The following ADGRV1 variants were observed in gnomAD, a reference collection of about 807,000 sequenced individuals.
ADGRV1 encodes G-protein coupled receptor 98.
ADGRV1 carries 359 observed loss-of-function variants against 596.2 expected under a neutral mutation model. The ratio of observed to expected loss-of-function variants is 0.60; its 90% CI spans 0.55 to 0.66. The LOEUF is 0.66. Ranked by LOEUF, ADGRV1 falls within the 30% of genes least tolerant of loss-of-function variation. The pLI is 0.00. For missense variants in ADGRV1, 7,274 were observed against 7,575.6 expected (o/e 0.96, Z 1.48); for synonymous variants, 2,681 against 2,679.2 (o/e 1.00, Z -0.02).
In ADGRV1 at chr5:90,790,956, G is replaced by C. The variant is rs752168075; in HGVS notation, c.14127G>C (p.Glu4709Asp). The stretch of plus-strand genomic sequence containing the variant: ...GATTTTTCACCATTGCTGATGGAGA[G>C]AGTGAAGCTAGCTTTGATGTTCATT... ...TSGFFTIADGESEASFDVHLL... is the reference protein window; with the variant it reads ...TSGFFTIADGDSEASFDVHLL... Residue 4709 changes from glutamate (E) to aspartate (D), a missense_variant, in exon 70 of 90, where the codon GAG becomes GAC. Physicochemically the swap from Glu to Asp is conservative, Grantham distance 45 (BLOSUM62 2). Around this residue, in one of 5 missense-constraint regions of ADGRV1, gnomAD observed 1,874 missense variants for 1,970.2 expected, o/e 0.95. Coordinates refer to ENST00000405460, the MANE Select transcript of ADGRV1 (RefSeq NM_032119.4). 4.3e-6 allele frequency: 7 copies of C among 1,612,934 alleles called. No homozygotes were observed. The Admixed American group carries it at 1.2e-4, about 27-fold the overall frequency.
chr5:90,875,508 G>A (rs2150517987), intron 83 of ADGRV1, among the ~76,000 whole-genome samples: 1 of 152,292 alleles, frequency 6.6e-6, no homozygotes, highest in South Asian at 2.1e-4. Context: ...CACAGCCTCT[G>A]TTATATGGCT....
At chr5:90,603,393 G>C (rs913701430) in intron 1 of ADGRV1, among the ~76,000 whole-genome samples, 1 of 152,208 alleles carries the variant, frequency 6.6e-6, no homozygotes, top group South Asian at 2.1e-4. Context: ...GCTTGTGGAT[G>C]TATGGGTGGT....
chr5:90,961,487 C>CAAAA (rs34654014), intron 83 of ADGRV1, among the ~76,000 whole-genome samples: 2 of 46,518 alleles, frequency 4.3e-5, no homozygotes, highest in Non-Finnish European at 8.3e-5. Context: ...GACTCCGTCT[C>CAAAA]AAAAAAAAAA....
At chr5:91,034,964 G>A (rs1784748601) in intron 85 of ADGRV1, among the ~76,000 whole-genome samples, 1 of 152,066 alleles carries the variant, frequency 6.6e-6, no homozygotes, top group African/African-American at 2.4e-5. Flanking sequence ...TAGAGACAGG[G>A]TCTTACTCTT....
rs192571483 is a variant in ADGRV1, at chr5:91,150,146, G to T, written c.18549G>T (p.Thr6183=). The T allele has an allele frequency of 3.1e-6, 5 of 1,593,862 alleles. No individual in the cohort carries two copies. The South Asian group carries it at 5.8e-5, about 18-fold the overall frequency. The stretch of plus-strand genomic sequence containing the variant: ...CTGGACCCAGCACAGCCTTTTTCAC[G>T]CCCGGGAGTGGAATGCCTCCTGCTG... ...GHPGPSTAFF[T]PGSGMPPAGG... The change falls in exon 88 of 90, where the codon ACG becomes ACT. Residue 6183 remains threonine (T), a synonymous_variant. Transcript: ENST00000405460.
intron 77 of ADGRV1, among the ~76,000 whole-genome samples, chr5:90,836,437 C>T (rs1181560836): frequency 6.6e-6 from 1 of 151,818 alleles, no homozygotes; most frequent in East Asian, 1.9e-4. Flanking sequence ...ACCTAATCTC[C>T]ATATAATCAT....
intron 1 of ADGRV1, among the ~76,000 whole-genome samples, chr5:90,605,728 T>A (rs1178856497): frequency 6.6e-5 from 10 of 152,116 alleles, no homozygotes; most frequent in African/African-American, 1.9e-4. Flanking sequence ...GTGAGGAAAC[T>A]AATAGAGTGT....
intron 87 of ADGRV1, among the ~76,000 whole-genome samples, chr5:91,127,540 C>CAAAAAAAAAAA (rs11406300): frequency 8.0e-6 from 1 of 125,602 alleles, no homozygotes; most frequent in Non-Finnish European, 1.6e-5. Context: ...CCAGTCTCAC[C>CAAAAAAAAAAA]AAAAAAAAAA....
Position 90,674,220 on chromosome 5 carries a change from G to C in ADGRV1, c.5096G>C (p.Ser1699Thr), listed in dbSNP as rs1036076498. The part of the protein sequence containing the change: ...KETTDITIKA[S>T]DHPYGLLQFS... ...ACGACTGATATCACCATCAAAGCTAGTGATCATCCATATGGTAACCTGCTC... is the reference window on the plus strand; with the variant it reads ...ACGACTGATATCACCATCAAAGCTACTGATCATCCATATGGTAACCTGCTC... Residue 1699 changes from serine (S) to threonine (T), a missense_variant, in exon 23 of 90, where the codon AGT (serine) becomes ACT (threonine). This residue lies in a region of ADGRV1 where 3,643 missense variants were observed against 3,809.2 expected (regional missense o/e 0.96). Transcript: ENST00000405460. 2 of 1,606,560 alleles carry C rather than the reference G, an allele frequency of 1.2e-6. No individual in the cohort carries two copies. Among genetic ancestry groups the C allele is most frequent in the Non-Finnish European group, 1.7e-6 (2 of 1,176,730 alleles).
chr5:90,700,859 G>A (rs988613113), intron 34 of ADGRV1, among the ~76,000 whole-genome samples: 10 of 152,008 alleles, frequency 6.6e-5, no homozygotes, highest in African/African-American at 2.4e-4. Context: ...TGTATGTCAT[G>A]TATACACGAA....
At chr5:90,614,288 C>G (rs1239959109) in intron 1 of ADGRV1, 1 of 324,258 alleles carries the variant, frequency 3.1e-6, no homozygotes, top group Admixed American at 4.8e-5. Context: ...AATTTAAGTC[C>G]TGGAAATTTA....
chr5:91,045,120 T>C (rs531579013), intron 85 of ADGRV1, among the ~76,000 whole-genome samples: 7 of 152,014 alleles, frequency 4.6e-5, no homozygotes, highest in Non-Finnish European at 1.0e-4. Flanking sequence ...AAAAGAAGAA[T>C]TGGCACCATT....
chr5:90,838,826 T>C (rs79459890), intron 77 of ADGRV1, among the ~76,000 whole-genome samples: 5,865 of 152,134 alleles, frequency 0.039, 398 homozygotes, highest in African/African-American at 0.13. Flanking sequence ...AGGAGTTGGA[T>C]ACCAGCCTTG....
chr5:90,719,181 C>T (rs1036506080), intron 43 of ADGRV1, among the ~76,000 whole-genome samples: 7 of 151,842 alleles, frequency 4.6e-5, no homozygotes, highest in Non-Finnish European at 8.8e-5. Flanking sequence ...AATACAAAAA[C>T]TAGCTGGGTG....
At chr5:90,990,594 G>A (rs1052191633) in intron 85 of ADGRV1, among the ~76,000 whole-genome samples, 6 of 152,154 alleles carry the variant, frequency 3.9e-5, no homozygotes, top group African/African-American at 9.7e-5. Context: ...CCTGCTGTGC[G>A]GCCCTATTCC....
chr5:91,050,278 A>T (rs949853924), intron 85 of ADGRV1, among the ~76,000 whole-genome samples: 5 of 152,206 alleles, frequency 3.3e-5, no homozygotes, highest in African/African-American at 1.2e-4. Context: ...GTTCTGAAAG[A>T]GACATCAGCG....
chr5:90,559,341 G>A (rs1039448633), intron 1 of ADGRV1, among the ~76,000 whole-genome samples: 2 of 152,156 alleles, frequency 1.3e-5, no homozygotes, highest in Non-Finnish European at 2.9e-5. Flanking sequence ...TTGATAATGG[G>A]AAGGGTGAGA....
intron 83 of ADGRV1, among the ~76,000 whole-genome samples, chr5:90,889,427 G>A (rs1770598915): frequency 6.6e-6 from 1 of 152,058 alleles, no homozygotes; most frequent in South Asian, 2.1e-4. Flanking sequence ...GAATGAGGAA[G>A]AGCTCAGGGC....
chr5:91,003,373 T>C lies in ADGRV1; in HGVS notation c.18152+17851T>C, dbSNP rs549828868. ...AGCACAGCTAGAATTAAACCACATGTATCTGACTTATCCACAGATCCATAG... is the reference window on the plus strand; with the variant it reads ...AGCACAGCTAGAATTAAACCACATGCATCTGACTTATCCACAGATCCATAG... On this transcript the variant is annotated intron_variant, in intron 85 of 89. Coordinates refer to ENST00000405460, the MANE Select transcript of ADGRV1 (RefSeq NM_032119.4). 1.4e-4 allele frequency among the ~76,000 whole-genome samples: 22 copies of C among 152,296 alleles called. 1 individual carries two copies. The highest frequency in any genetic ancestry group is 3.4e-3 in the Middle Eastern group (1 of 294).
Sources: allele counts gnomAD v4.1 joint callset (sites outside exome capture counted in the v4.1 genomes callset), GRCh38; gene constraint gnomAD v4.1.1; regional missense constraint gnomAD v4.1.1; transcripts MANE v1.5; gene names NCBI Gene and HGNC (gene_info 2026-07-23, HGNC 2026-07-21).